The following GABRB2 variants were observed in gnomAD, a reference collection of about 807,000 sequenced individuals.
GABRB2 encodes gamma-aminobutyric acid type A receptor subunit beta2.
In GABRB2, 16 loss-of-function variants were observed where a neutral mutation model predicts 54.7. The observed-to-expected ratio is 0.29, with a 90% CI of 0.20 to 0.44. GABRB2 has a LOEUF of 0.44. Among genes scored for constraint, GABRB2 ranks in the 20% least tolerant of loss-of-function variants. GABRB2 has a pLI of 1.00. For synonymous variants in GABRB2, 244 were observed against 233.8 expected, an observed-to-expected ratio of 1.04 and a Z score of -0.40; for missense variants, 355 against 644.0, an observed-to-expected ratio of 0.55 and a Z score of 4.86.
intron 7 of GABRB2, among the ~76,000 whole-genome samples, 198 bp from the exon 8 acceptor site, chr5:161,331,325 T>C (rs1208936006): frequency 6.6e-6 from 1 of 152,214 alleles, no homozygotes; most frequent in African/African-American, 2.4e-5. Context: ...CACTGAACGT[T>C]TGATCCCTTC....
At position 161,391,202 on chromosome 5, in the gene GABRB2, C is replaced by T. The variant is rs562434097; in HGVS notation, c.541+19773G>A. Among the ~76,000 whole-genome samples the T allele has an allele frequency of 4.6e-5, 7 of 152,254 alleles. No homozygotes were observed. In the South Asian group the frequency reaches 1.2e-3, roughly 27 times the overall value. ...TTATGACAGATTTTCTTAAATTCCC[C>T]AGTTTTCCCATTTCTCCTGACATTT... On this transcript the variant is annotated intron_variant, in intron 5 of 9. Transcript: ENST00000393959.
intron 5 of GABRB2, among the ~76,000 whole-genome samples, chr5:161,394,875 T>C (rs1755948674): frequency 6.6e-6 from 1 of 152,008 alleles, no homozygotes; most frequent in Non-Finnish European, 1.5e-5. Flanking sequence ...AACTCTAATA[T>C]CAGTCCTAAA....
chr5:161,408,760 A>G (rs1030210964), intron 5 of GABRB2, among the ~76,000 whole-genome samples: 17 of 151,946 alleles, frequency 1.1e-4, no homozygotes, highest in African/African-American at 4.1e-4. Context: ...GAGAAGGATA[A>G]AGAGAGAGAT....
At chr5:161,449,837 T>C (rs1449988128) in intron 4 of GABRB2, among the ~76,000 whole-genome samples, 1 of 151,866 alleles carries the variant, frequency 6.6e-6, no homozygotes, top group Non-Finnish European at 1.5e-5. Context: ...GGAAATACTT[T>C]GCTAAAAAAA....
chr5:161,304,197 A>G (rs1757616450), intron 9 of GABRB2, among the ~76,000 whole-genome samples: 1 of 152,212 alleles, frequency 6.6e-6, no homozygotes, highest in Non-Finnish European at 1.5e-5. Context: ...CTTCTGAAGG[A>G]CATTTAAATT....
chr5:161,334,938 A>C (rs1580988301), intron 6 of GABRB2, 34 bp from the exon 7 acceptor site: 1 of 1,602,244 alleles, frequency 6.2e-7, no homozygotes, highest in African/African-American at 1.3e-5. Flanking sequence ...CATCATTATC[A>C]ATCAATATTT....
In GABRB2 at chr5:161,306,768, A is replaced by C. The variant is rs371402700; in HGVS notation, c.1192-12340T>G. On this transcript the variant is annotated intron_variant, in intron 9 of 9. Transcript: ENST00000393959. The stretch of plus-strand genomic sequence containing the variant: ...AGTTTTGACACACGTTTAATGCTCA[A>C]CTAGCATTGGATCTAGTAGCTGTGC... 1.1e-4 allele frequency among the ~76,000 whole-genome samples: 17 copies of C among 152,122 alleles called. No individual in the cohort carries two copies. The East Asian group carries it at 2.3e-3, about 21-fold the overall frequency.
chr5:161,401,738 G>A (rs1036344480), intron 5 of GABRB2, among the ~76,000 whole-genome samples: 1 of 152,176 alleles, frequency 6.6e-6, no homozygotes, highest in Non-Finnish European at 1.5e-5. Flanking sequence ...GGAAGTTTAA[G>A]TAGAAAATTT....
intron 4 of GABRB2, among the ~76,000 whole-genome samples, chr5:161,430,853 T>C (rs1464468070): frequency 6.6e-6 from 1 of 152,122 alleles, no homozygotes; most frequent in East Asian, 1.9e-4. Flanking sequence ...AATTTCATAC[T>C]ATGGTAAAGC....
At chr5:161,421,297 G>A (rs967806667) in intron 4 of GABRB2, among the ~76,000 whole-genome samples, 1 of 152,156 alleles carries the variant, frequency 6.6e-6, no homozygotes, top group African/African-American at 2.4e-5. Context: ...GCTCCATGGA[G>A]CCTCAGCAAC....
intron 4 of GABRB2, among the ~76,000 whole-genome samples, chr5:161,422,237 C>CA (rs1359897875): frequency 3.3e-5 from 5 of 151,804 alleles, no homozygotes; most frequent in Non-Finnish European, 5.9e-5. Context: ...TATAGTTGGG[C>CA]AAAAAATCTC....
chr5:161,442,760 C>T (rs1757504025), intron 4 of GABRB2, among the ~76,000 whole-genome samples: 2 of 151,534 alleles, frequency 1.3e-5, no homozygotes, highest in Non-Finnish European at 2.9e-5. Context: ...CTCTCTCTCT[C>T]TCTTTCTTTT....
chr5:161,382,366 G>T (rs991633857), intron 5 of GABRB2, among the ~76,000 whole-genome samples: 1 of 152,128 alleles, frequency 6.6e-6, no homozygotes, highest in Non-Finnish European at 1.5e-5. Context: ...CAGAATTGAA[G>T]CTTCTCCCTG....
chr5:161,355,207 A>G (rs184266254), intron 5 of GABRB2, among the ~76,000 whole-genome samples: 24 of 151,486 alleles, frequency 1.6e-4, no homozygotes, highest in Non-Finnish European at 2.8e-4. Flanking sequence ...TAATTCCATT[A>G]TCTGTCTCCC....
At chr5:161,456,865 TG>T (rs1263640543) in intron 4 of GABRB2, among the ~76,000 whole-genome samples, 54 of 151,916 alleles carry the variant, frequency 3.6e-4, no homozygotes, top group African/African-American at 1.1e-3. Context: ...TGGCTGGGGG[TG>T]GGTAAGTAGC....
chr5:161,514,690 G>C (rs970540448), intron 3 of GABRB2, among the ~76,000 whole-genome samples: 2 of 151,968 alleles, frequency 1.3e-5, no homozygotes, highest in Non-Finnish European at 2.9e-5. Flanking sequence ...TATGAAACAC[G>C]TACAGTGGCT....
chr5:161,546,660 G>A lies in GABRB2; in HGVS notation c.-17C>T, dbSNP rs199977195. 2.5e-5 allele frequency: 39 copies of A among 1,578,454 alleles called. No homozygotes were observed. In the East Asian group the frequency reaches 3.0e-4, roughly 12 times the overall value. ...TCTCCACATCCCTTTAGTTTTTGAT[G>A]GAATTGAGGGTTTCACTGAAGAGAG... is the stretch of plus-strand genomic sequence containing the variant. On this transcript the variant is annotated 5_prime_UTR_variant, in exon 1 of 10. Transcript: ENST00000393959.
upstream of GABRB2, among the ~76,000 whole-genome samples, chr5:161,547,694 G>A (rs1044585385): frequency 2.0e-5 from 3 of 152,170 alleles, no homozygotes; most frequent in Non-Finnish European, 2.9e-5. Flanking sequence ...GGACGTGGAG[G>A]CGTGAGGGAT....
intron 8 of GABRB2, among the ~76,000 whole-genome samples, chr5:161,327,991 T>A (rs1758419416): frequency 6.6e-6 from 1 of 152,192 alleles, no homozygotes; most frequent in Non-Finnish European, 1.5e-5. Flanking sequence ...TAACCTTTCA[T>A]GCTGGGTGAA....
Sources: gnomAD v4.1 joint callset for allele counts (sites outside exome capture counted in the v4.1 genomes callset) on GRCh38, gnomAD v4.1.1 for gene constraint, MANE v1.5 for transcripts, NCBI Gene and HGNC (gene_info 2026-07-23, HGNC 2026-07-21) for gene names.